Variants in CAMK4 observed in about 807,000 individuals in gnomAD.
The protein encoded by CAMK4 is calcium/calmodulin-dependent protein kinase type IV.
Under a neutral mutation model 44.9 loss-of-function variants are expected in CAMK4, and 22 were observed. The observed-to-expected ratio is 0.49, with a 90% CI of 0.35 to 0.70. The LOEUF is 0.70. CAMK4 is among the 30% of genes least tolerant of loss of function. CAMK4 has a pLI of 0.01. For missense variants in CAMK4, 498 were observed against 586.8 expected (o/e 0.85, Z 1.56); for synonymous variants, 218 against 215.4 (o/e 1.01, Z -0.11).
chr5:111,371,940 A>G (rs1751022121), intron 2 of CAMK4, among the ~76,000 whole-genome samples: 1 of 152,184 alleles, frequency 6.6e-6, no homozygotes, highest in Admixed American at 6.6e-5. Context: ...TTGAGGTACA[A>G]AACTAGGTAG....
intron 5 of CAMK4, among the ~76,000 whole-genome samples, chr5:111,429,991 CA>C (rs1293786916): frequency 6.7e-6 from 1 of 149,496 alleles, no homozygotes; most frequent in African/African-American, 2.5e-5. Flanking sequence ...TCCCTGATAC[CA>C]AAACCAGACA....
chr5:111,310,018 C>T (rs1218049245), intron 1 of CAMK4, among the ~76,000 whole-genome samples: 1 of 152,096 alleles, frequency 6.6e-6, no homozygotes, highest in Non-Finnish European at 1.5e-5. Flanking sequence ...CTTCTATGTC[C>T]TCTTTTCTAC....
chr5:111,283,445 T>C (rs1162417784), intron 1 of CAMK4, among the ~76,000 whole-genome samples: 1 of 152,250 alleles, frequency 6.6e-6, no homozygotes, highest in African/African-American at 2.4e-5. Context: ...AACAGTACCA[T>C]ACTCTGTGCC....
intron 2 of CAMK4, among the ~76,000 whole-genome samples, chr5:111,349,288 T>C (rs451081): frequency 2.6e-5 from 4 of 151,828 alleles, no homozygotes; most frequent in African/African-American, 4.8e-5. Context: ...TTTAACTTTG[T>C]AGTTTGTAAA....
At chr5:111,364,978 C>G (rs376866) in intron 2 of CAMK4, 1 of 152,170 alleles carries the variant, frequency 6.6e-6, no homozygotes, top group Non-Finnish European at 1.5e-5. Context: ...GCCCTCACCT[C>G]TAAACCGTCA....
At position 111,343,572 on chromosome 5, in the gene CAMK4, C is replaced by T. The variant is rs767308104; in HGVS notation, c.162-452C>T. Among the ~76,000 whole-genome samples the T allele has an allele frequency of 7.7e-4, 117 of 151,812 alleles. 1 individual carries two copies. The highest frequency in any genetic ancestry group is 2.5e-4 in the Non-Finnish European group (17 of 67,846). The stretch of plus-strand genomic sequence containing the variant: ...AAAAAGTAGGAGGGGTGTCCCAGCT[C>T]TCTTGCCACACTGTGGAAGTACAGA... On this transcript the variant is annotated intron_variant, in intron 1 of 10. Transcript: ENST00000282356.
chr5:111,346,850 C>T lies in CAMK4; in HGVS notation c.240+2748C>T, dbSNP rs80237088. ...ACAAACAAACAAACAAACAAAAACA[C>T]TAACACCAGGACTTGTAGTGAGAGA... On this transcript the variant is annotated intron_variant, in intron 2 of 10. Transcript: ENST00000282356. Among the ~76,000 whole-genome samples, 512 of 151,888 alleles carry T rather than the reference C, an allele frequency of 3.4e-3. 9 individuals carry two copies. The East Asian group carries it at 0.039, about 11-fold the overall frequency.
chr5:111,281,255 T>C (rs1751003596), intron 1 of CAMK4, among the ~76,000 whole-genome samples: 1 of 152,188 alleles, frequency 6.6e-6, no homozygotes, highest in South Asian at 2.1e-4. Context: ...GTTTTGGGCT[T>C]TGCTCCTGGG....
chr5:111,423,367 A>G (rs1343826729), intron 5 of CAMK4, among the ~76,000 whole-genome samples: 1 of 152,222 alleles, frequency 6.6e-6, no homozygotes, highest in Non-Finnish European at 1.5e-5. Context: ...CTAAGTTGAA[A>G]ACATAATTTT....
chr5:111,354,469 TGATG>T lies in CAMK4; in HGVS notation c.240+10371_240+10374del, dbSNP rs149295269. On this transcript the variant is annotated intron_variant, in intron 2 of 10. Transcript: ENST00000282356. The stretch of plus-strand genomic sequence containing the variant: ...ACAAAAAAAAAAAAACTACGTGAGG[TGATG>T]GATTTGTTAATTAGCTTGATTGTGG... Among the ~76,000 whole-genome samples the T allele has an allele frequency of 3.1e-3, 461 of 148,858 alleles. 8 individuals carry two copies. In the South Asian group the frequency reaches 0.049, roughly 16 times the overall value.
intron 2 of CAMK4, among the ~76,000 whole-genome samples, chr5:111,355,318 G>A (rs1158965470): frequency 2.0e-5 from 3 of 152,034 alleles, no homozygotes; most frequent in Non-Finnish European, 4.4e-5. Flanking sequence ...ATGTATATAA[G>A]AGAGCAAAGG....
chr5:111,278,053 A>T (rs192287186), intron 1 of CAMK4, among the ~76,000 whole-genome samples: 128 of 152,348 alleles, frequency 8.4e-4, no homozygotes, highest in African/African-American at 3.0e-3. Flanking sequence ...GAATCAACTT[A>T]TTCTGTTACT....
intron 1 of CAMK4, among the ~76,000 whole-genome samples, chr5:111,301,314 G>A (rs1747710241): frequency 6.6e-6 from 1 of 152,140 alleles, no homozygotes; most frequent in South Asian, 2.1e-4. Flanking sequence ...AAACTAAACA[G>A]TTAAAATGAA....
chr5:111,395,659 C>A (rs1021324934), intron 5 of CAMK4, among the ~76,000 whole-genome samples: 1 of 152,048 alleles, frequency 6.6e-6, no homozygotes, highest in African/African-American at 2.4e-5. Flanking sequence ...TAAATACATA[C>A]ACATTTACAA....
intron 1 of CAMK4, among the ~76,000 whole-genome samples, chr5:111,227,382 C>A (rs1748242885): frequency 1.3e-5 from 2 of 152,182 alleles, no homozygotes; most frequent in African/African-American, 4.8e-5. Flanking sequence ...ATTAGTAATG[C>A]AGTTGTCATT....
intron 1 of CAMK4, among the ~76,000 whole-genome samples, chr5:111,321,307 T>C (rs937458473): frequency 1.3e-5 from 2 of 152,176 alleles, no homozygotes; most frequent in African/African-American, 4.8e-5. Flanking sequence ...GCTGGAAATC[T>C]GAATTTTGGT....
At chr5:111,437,108 C>T (rs894710341) in intron 5 of CAMK4, among the ~76,000 whole-genome samples, 5 of 152,140 alleles carry the variant, frequency 3.3e-5, no homozygotes, top group African/African-American at 1.2e-4. Flanking sequence ...CAATAAGCAC[C>T]ACTGAGGTGA....
Position 111,316,225 on chromosome 5 carries a change from G to A in CAMK4, c.162-27799G>A, listed in dbSNP as rs367993997. Among the ~76,000 whole-genome samples, 28 of 152,164 alleles carry A rather than the reference G, an allele frequency of 1.8e-4. 2 individuals are homozygous for A. Among genetic ancestry groups the A allele is most frequent in the East Asian group, 9.7e-4 (5 of 5,156 alleles). On this transcript the variant is annotated intron_variant, in intron 1 of 10. Coordinates refer to ENST00000282356, the MANE Select transcript of CAMK4 (RefSeq NM_001744.6). ...GGCCATTCCTGCTCCACAGTAACGG[G>A]GCAGGAGATGTCGCCAGTCCCCTAG...
chr5:111,322,504 C>T (rs930880959), intron 1 of CAMK4, among the ~76,000 whole-genome samples: 9 of 151,994 alleles, frequency 5.9e-5, no homozygotes, highest in Non-Finnish European at 1.3e-4. Context: ...AATGTAACTG[C>T]CTGCTACTAA....
Sources: gnomAD v4.1 joint callset for allele counts (sites outside exome capture counted in the v4.1 genomes callset) on GRCh38, gnomAD v4.1.1 for gene constraint, MANE v1.5 for transcripts, NCBI Gene and HGNC (gene_info 2026-07-23, HGNC 2026-07-21) for gene names.